PTK2B: variants seen among roughly 807,000 people sequenced by gnomAD.
PTK2B encodes protein-tyrosine kinase 2-beta.
Under a neutral mutation model 142.9 loss-of-function variants are expected in PTK2B, and 71 were observed. That is an observed-to-expected ratio of 0.50 (90% confidence interval 0.41 to 0.61). The LOEUF is 0.61. PTK2B is among the 20% of genes least tolerant of loss of function. The pLI is 0.00. For missense variants in PTK2B, 1,105 were observed against 1,320.4 expected (o/e 0.84, Z 2.53); for synonymous variants, 519 against 503.4 (o/e 1.03, Z -0.42).
At chr8:27,400,532 A>T (rs531026624) in intron 2 of PTK2B, among the ~76,000 whole-genome samples, 4 of 152,084 alleles carry the variant, frequency 2.6e-5, no homozygotes, top group African/African-American at 7.2e-5. Flanking sequence ...GAGGACCTGG[A>T]CTAAGAGAAT....
intron 13 of PTK2B, 24 bp downstream of exon 13, chr8:27,434,583 A>G (rs1444544822): frequency 6.3e-7 from 1 of 1,593,784 alleles, no homozygotes; most frequent in South Asian, 1.1e-5. Flanking sequence ...TGCATCCTCC[A>G]CCTGCTCCAG....
chr8:27,344,059 C>A (rs946791163), intron 1 of PTK2B, among the ~76,000 whole-genome samples: 2 of 151,990 alleles, frequency 1.3e-5, no homozygotes, highest in Non-Finnish European at 2.9e-5. Context: ...AGTGCTGTAA[C>A]TAAAGGAAAA....
At chr8:27,451,015 T>G in intron 25 of PTK2B, 28 bp from the exon 26 acceptor site, 1 of 1,611,034 alleles carries the variant, frequency 6.2e-7, no homozygotes, top group Non-Finnish European at 8.5e-7. Flanking sequence ...GAATTCTTAG[T>G]CCTTCGCTCT....
intron 1 of PTK2B, among the ~76,000 whole-genome samples, chr8:27,362,379 C>T (rs189504263): frequency 6.6e-6 from 1 of 152,196 alleles, no homozygotes; most frequent in Non-Finnish European, 1.5e-5. Context: ...AGTGTTAGCA[C>T]CCCCACACTG....
intron 2 of PTK2B, among the ~76,000 whole-genome samples, chr8:27,414,600 C>T (rs973101149): frequency 9.4e-5 from 1 of 10,656 alleles, no homozygotes; most frequent in Non-Finnish European, 2.9e-4. Context: ...TTCTCTCTCT[C>T]TCTCTCTGTG....
chr8:27,431,075 G>C, intron 8 of PTK2B, 59 bp downstream of exon 8: 1 of 1,570,706 alleles, frequency 6.4e-7, no homozygotes, highest in Non-Finnish European at 8.7e-7. Flanking sequence ...CTCGGAAAAG[G>C]GGGCCAGGAG....
At chr8:27,356,442 A>T (rs956708243) in intron 1 of PTK2B, among the ~76,000 whole-genome samples, 3 of 152,246 alleles carry the variant, frequency 2.0e-5, no homozygotes, top group Non-Finnish European at 4.4e-5. Context: ...ATTGATAAGA[A>T]TGAACTGCAG....
chr8:27,372,045 A>G (rs1319559190), intron 1 of PTK2B, among the ~76,000 whole-genome samples: 1 of 152,230 alleles, frequency 6.6e-6, no homozygotes, highest in Non-Finnish European at 1.5e-5. Flanking sequence ...GCATATATGC[A>G]TTGCTTAACC....
At chr8:27,410,171 C>T (rs1016420666) in intron 2 of PTK2B, among the ~76,000 whole-genome samples, 5 of 152,178 alleles carry the variant, frequency 3.3e-5, no homozygotes, top group African/African-American at 9.7e-5. Flanking sequence ...GTTTGCAAGC[C>T]ACTGTCCCAG....
At chr8:27,380,985 T>G (rs1195375626) in intron 1 of PTK2B, among the ~76,000 whole-genome samples, 10 of 152,232 alleles carry the variant, frequency 6.6e-5, no homozygotes, top group Non-Finnish European at 1.5e-4. Context: ...GCATGGTGAC[T>G]GTACCTAAGT....
chr8:27,358,864 T>C (rs1356650664), intron 1 of PTK2B, among the ~76,000 whole-genome samples: 1 of 152,150 alleles, frequency 6.6e-6, no homozygotes, highest in Non-Finnish European at 1.5e-5. Flanking sequence ...ATAATAGGTT[T>C]CTATTATTTT....
chr8:27,397,325 C>T, intron 1 of PTK2B: 2 of 510,624 alleles, frequency 3.9e-6, no homozygotes, highest in Non-Finnish European at 7.1e-6. Flanking sequence ...CCCTGGGAGC[C>T]CCAAGTCTGG....
intron 17 of PTK2B, 50 bp from the exon 18 acceptor site, chr8:27,437,715 C>T (rs62502428): frequency 6.5e-7 from 1 of 1,539,200 alleles, no homozygotes; most frequent in Non-Finnish European, 8.9e-7. Context: ...TCCCCTGGCT[C>T]CATACTGGGA....
intron 1 of PTK2B, among the ~76,000 whole-genome samples, chr8:27,396,859 G>A (rs1808079313): frequency 6.6e-6 from 1 of 152,180 alleles, no homozygotes; most frequent in Non-Finnish European, 1.5e-5. Context: ...TCCTTCCCAT[G>A]TGCAGCATGC....
intron 2 of PTK2B, chr8:27,313,125 A>T (rs1238466311): frequency 6.6e-6 from 1 of 152,220 alleles, no homozygotes; most frequent in East Asian, 1.9e-4. Context: ...TGTTCTCCTG[A>T]TAGTGAGTGA....
At chr8:27,419,434 C>T (rs1246141761) in intron 2 of PTK2B, among the ~76,000 whole-genome samples, 1 of 152,216 alleles carries the variant, frequency 6.6e-6, no homozygotes, top group Non-Finnish European at 1.5e-5. Context: ...CCATCAGCCA[C>T]ACGGGATGGT....
At chr8:27,327,393 C>A (rs1195307935) in intron 1 of PTK2B, among the ~76,000 whole-genome samples, 2 of 149,120 alleles carry the variant, frequency 1.3e-5, no homozygotes, top group Non-Finnish European at 3.0e-5. Flanking sequence ...ATTTGAATTT[C>A]AGATAAGCAC....
At chr8:27,419,521 C>G (rs1809612375) in intron 2 of PTK2B, among the ~76,000 whole-genome samples, 1 of 152,222 alleles carries the variant, frequency 6.6e-6, no homozygotes, top group Non-Finnish European at 1.5e-5. Context: ...GGTGCAGGAG[C>G]TCAGTGATGC....
At chr8:27,434,363 C>T in intron 12 of PTK2B, 150 bp from the exon 13 acceptor site, 1 of 1,046,246 alleles carries the variant, frequency 9.6e-7, no homozygotes, top group Non-Finnish European at 1.4e-6. Flanking sequence ...ACTCCAGCCC[C>T]CAGCAGCCTG....
Sources: gnomAD v4.1 joint callset for allele counts (sites outside exome capture counted in the v4.1 genomes callset) on GRCh38, gnomAD v4.1.1 for gene constraint, MANE v1.5 for transcripts, NCBI Gene and HGNC (gene_info 2026-07-23, HGNC 2026-07-21) for gene names.